The following SLC26A7 variants were observed in gnomAD, a reference collection of about 807,000 sequenced individuals.
SLC26A7 encodes the protein solute carrier family 26 member 7.
In SLC26A7, 59 loss-of-function variants were observed where a neutral mutation model predicts 82.5. The observed-to-expected ratio is 0.72, with a 90% CI of 0.58 to 0.89. The LOEUF (loss-of-function observed/expected upper bound fraction) is 0.89. Among genes scored for constraint, SLC26A7 ranks in the 40% least tolerant of loss-of-function variants. The probability of loss-of-function intolerance (pLI) is 0.00; values close to 1 mark genes in which losing one functional copy is unlikely to be tolerated. For missense variants in SLC26A7, 820 were observed against 793.0 expected, an observed-to-expected ratio of 1.03 and a Z score of -0.41; for synonymous variants, 271 against 274.3, an observed-to-expected ratio of 0.99 and a Z score of 0.12.
At chr8:91,307,888 G>A (rs912859353) in intron 4 of SLC26A7, among the ~76,000 whole-genome samples, 1 of 151,880 alleles carries the variant, frequency 6.6e-6, no homozygotes, top group East Asian at 1.9e-4. Flanking sequence ...TTGTAGAAAT[G>A]GGGTCTCACT....
chr8:91,236,840 T>C (rs1354877593), intron 2 of SLC26A7, among the ~76,000 whole-genome samples: 1 of 152,238 alleles, frequency 6.6e-6, no homozygotes, highest in African/African-American at 2.4e-5. Flanking sequence ...TTTATATATG[T>C]GCAGAATAAA....
intron 5 of SLC26A7, among the ~76,000 whole-genome samples, chr8:91,328,275 C>G (rs766848602): frequency 6.6e-6 from 1 of 151,988 alleles, no homozygotes; most frequent in African/African-American, 2.4e-5. Context: ...CCAGAGAGAT[C>G]TTTATTTATC....
intron 2 of SLC26A7, among the ~76,000 whole-genome samples, chr8:91,273,077 A>T (rs12171650): frequency 1.3e-5 from 2 of 152,176 alleles, no homozygotes; most frequent in African/African-American, 2.4e-5. Flanking sequence ...AGGTTTCTTA[A>T]TTGGGTGACT....
intron 13 of SLC26A7, among the ~76,000 whole-genome samples, chr8:91,364,059 T>C (rs1314275020): frequency 6.6e-6 from 1 of 152,010 alleles, no homozygotes; most frequent in South Asian, 2.1e-4. Flanking sequence ...GGTACCTTTT[T>C]AAGGACACAA....
chr8:91,355,745 A>G (rs1484741795), intron 11 of SLC26A7, among the ~76,000 whole-genome samples: 1 of 151,376 alleles, frequency 6.6e-6, no homozygotes, highest in Non-Finnish European at 1.5e-5. Context: ...TTATTATTAT[A>G]CTTTAAGTTT....
chr8:91,388,094 A>G (rs556778360), intron 15 of SLC26A7, among the ~76,000 whole-genome samples: 3 of 152,246 alleles, frequency 2.0e-5, no homozygotes, highest in Admixed American at 6.5e-5. Flanking sequence ...TTCAGTGTTC[A>G]TTTTTTATTT....
chr8:91,301,256 C>CTTAAT (rs1812157370), intron 4 of SLC26A7, among the ~76,000 whole-genome samples: 1 of 152,094 alleles, frequency 6.6e-6, no homozygotes, highest in Non-Finnish European at 1.5e-5. Context: ...TTCTTAACGT[C>CTTAAT]CCTTCTCAAT....
At chr8:91,275,023 CTA>C (rs1811369984) in intron 2 of SLC26A7, among the ~76,000 whole-genome samples, 1 of 152,112 alleles carries the variant, frequency 6.6e-6, no homozygotes, top group African/African-American at 2.4e-5. Flanking sequence ...TGCAGGTACT[CTA>C]TGCATAAATG....
intron 16 of SLC26A7, among the ~76,000 whole-genome samples, chr8:91,393,191 A>T (rs1808456754): frequency 6.6e-6 from 1 of 152,116 alleles, no homozygotes; most frequent in East Asian, 1.9e-4. Context: ...ATTTGGGTGA[A>T]TTTAAGATCA....
intron 15 of SLC26A7, among the ~76,000 whole-genome samples, chr8:91,374,984 C>T (rs1044995603): frequency 4.0e-5 from 6 of 151,758 alleles, no homozygotes; most frequent in Non-Finnish European, 7.4e-5. Context: ...ATATAAGGCC[C>T]TTCTTTGTCT....
At chr8:91,344,175 C>T (rs780233365) in intron 9 of SLC26A7, 36 of 985,232 alleles carry the variant, frequency 3.7e-5, no homozygotes, top group Non-Finnish European at 4.1e-5. Context: ...AAAAACTAAA[C>T]CTTTGATGAT....
At chr8:91,271,771 T>G (rs915960851) in intron 2 of SLC26A7, among the ~76,000 whole-genome samples, 7 of 152,076 alleles carry the variant, frequency 4.6e-5, no homozygotes, top group African/African-American at 1.7e-4. Context: ...ATTTTTTGTA[T>G]TTTTAGTAGA....
intron 5 of SLC26A7, among the ~76,000 whole-genome samples, chr8:91,319,676 C>T (rs1812736734): frequency 6.6e-6 from 1 of 152,188 alleles, no homozygotes; most frequent in Admixed American, 6.5e-5. Flanking sequence ...AAGTTTAAGA[C>T]TTTCAGTGAC....
chr8:91,210,667 A>G (rs1171366611), intron 1 of SLC26A7, among the ~76,000 whole-genome samples: 2 of 152,084 alleles, frequency 1.3e-5, no homozygotes, highest in Non-Finnish European at 2.9e-5. Flanking sequence ...TTTGATATCT[A>G]TATAATTTCA....
chr8:91,216,010 A>C (rs1185196546), intron 1 of SLC26A7, among the ~76,000 whole-genome samples: 1 of 152,198 alleles, frequency 6.6e-6, no homozygotes, highest in East Asian at 1.9e-4. Context: ...TAGATGGAAA[A>C]GTGTAATACC....
intron 11 of SLC26A7, among the ~76,000 whole-genome samples, chr8:91,361,950 A>G (rs1177599797): frequency 6.6e-6 from 1 of 152,134 alleles, no homozygotes; most frequent in Non-Finnish European, 1.5e-5. Context: ...GTCCTAGAAG[A>G]CAAAATATTG....
rs1813853777 is a variant in SLC26A7 at position 91,355,923 on chromosome 8, T to A, written c.1314+2927T>A. Among the ~76,000 whole-genome samples, 4 of 152,206 alleles carry A rather than the reference T, an allele frequency of 2.6e-5. No homozygotes were observed. The South Asian group carries it at 8.3e-4, about 32-fold the overall frequency. ...CCCCGGAGTGTGATGTTCCCCTTCC[T>A]GTGTCCATGTGTTCTCATTGTTCAA... is the stretch of plus-strand genomic sequence containing the variant. On this transcript the variant is annotated intron_variant, in intron 11 of 18. Transcript: ENST00000276609.
chr8:91,274,622 G>A (rs982832278), intron 2 of SLC26A7, among the ~76,000 whole-genome samples: 3 of 152,148 alleles, frequency 2.0e-5, no homozygotes, highest in African/African-American at 7.2e-5. Context: ...ATTCTTAAAG[G>A]TCTCACCTCT....
At position 91,289,265 on chromosome 8, in the gene SLC26A7, A is replaced by G. The variant is rs957690683; in HGVS notation, c.304+19A>G. 1 of 1,555,230 alleles carries G rather than the reference A, an allele frequency of 6.4e-7. No homozygotes were observed. The highest frequency in any genetic ancestry group is 1.4e-5 in the African/African-American group (1 of 73,636). On this transcript the variant is annotated intron_variant, in intron 3 of 18. Transcript: ENST00000276609. ...GCCACAGGTAATAATTCCTATGTTT[A>G]TGCTTCTAATGTTACTCGCAAAAAA... is the stretch of plus-strand genomic sequence containing the variant.
Sources: allele counts gnomAD v4.1 joint callset (sites outside exome capture counted in the v4.1 genomes callset), GRCh38; gene constraint gnomAD v4.1.1; transcripts MANE v1.5; gene names NCBI Gene and HGNC (gene_info 2026-07-23, HGNC 2026-07-21).